The following EML5 variants were observed in gnomAD, a reference collection of about 807,000 sequenced individuals.
EML5 encodes EMAP like 5.
In EML5, 120 loss-of-function variants were observed where a neutral mutation model predicts 250.0. The ratio of observed to expected loss-of-function variants is 0.48; its 90% CI spans 0.41 to 0.56. EML5 has a LOEUF of 0.56. Among genes scored for constraint, EML5 ranks in the 20% least tolerant of loss-of-function variants. The pLI is 0.00. For missense variants in EML5, 2,006 were observed against 2,437.6 expected, an observed-to-expected ratio of 0.82 and a Z score of 3.73; for synonymous variants, 771 against 806.5, an observed-to-expected ratio of 0.96 and a Z score of 0.75.
At chr14:88,631,635 T>G (rs980876253) in intron 33 of EML5, among the ~76,000 whole-genome samples, 14 of 152,310 alleles carry the variant, frequency 9.2e-5, no homozygotes, top group African/African-American at 3.4e-4. Context: ...CTGGGCGTGG[T>G]GGCAGTCGCC....
At chr14:88,703,096 A>C (rs921311124) in intron 13 of EML5, among the ~76,000 whole-genome samples, 4 of 152,174 alleles carry the variant, frequency 2.6e-5, no homozygotes, top group African/African-American at 9.7e-5. Flanking sequence ...ACTTTTATGA[A>C]CTGCTCGGAC....
In EML5 at chr14:88,715,210, A is replaced by C. The variant is rs1349923517; in HGVS notation, c.1188-15T>G. 6.4e-7 allele frequency: 1 copy of C among 1,563,576 alleles called. No individual in the cohort carries two copies. ...CCGTCATATCTCTGTTAAAAAGAAA[A>C]AAATGAGACTACATGAACAGAAGTC... On this transcript the variant is annotated splice_polypyrimidine_tract_variant and intron_variant, in intron 8 of 43. Transcript: ENST00000554922.
chr14:88,740,406 G>GA lies in EML5; in HGVS notation c.691_692insT (p.Thr231IlefsTer12), dbSNP rs1296951789. On this transcript the variant is annotated frameshift_variant, in exon 5 of 44. Coordinates refer to ENST00000554922, the MANE Select transcript of EML5 (RefSeq NM_183387.3). LOFTEE classifies it high-confidence loss of function. ...ACTTACAGCATGGGCTCCTTGTATT[G>GA]TTCGTATAAGATTGATTCCTTTCCA... 6.2e-7 allele frequency: 1 copy of GA among 1,611,316 alleles called. No individual in the cohort carries two copies. Among genetic ancestry groups the GA allele is most frequent in the Non-Finnish European group, 8.5e-7 (1 of 1,178,876 alleles).
chr14:88,636,247 C>T (rs2140529168), intron 32 of EML5, among the ~76,000 whole-genome samples: 1 of 152,334 alleles, frequency 6.6e-6, no homozygotes, highest in East Asian at 1.9e-4. Flanking sequence ...TCTGGGATTT[C>T]ATATACCCAA....
intron 8 of EML5, among the ~76,000 whole-genome samples, chr14:88,716,427 T>G (rs763610509): frequency 7.9e-5 from 12 of 152,150 alleles, no homozygotes; most frequent in Non-Finnish European, 1.3e-4. Context: ...TAACATTAAA[T>G]CCATATACCG....
At chr14:88,622,856 G>A (rs2089264211) in intron 36 of EML5, 138 bp from the exon 37 acceptor site, 1 of 522,060 alleles carries the variant, frequency 1.9e-6, no homozygotes, top group Non-Finnish European at 3.2e-6. Context: ...TAATATTCTT[G>A]TAAACTTTCT....
chr14:88,663,490 A>G lies in EML5; in HGVS notation c.3410-371T>C, dbSNP rs114637694. ...ACAATATAGTTGAATACATGAAACA[A>G]TAACATCCTTAAAAAGAGAGGATTT... On this transcript the variant is annotated intron_variant, in intron 23 of 43. Transcript: ENST00000554922. 8.3e-3 allele frequency among the ~76,000 whole-genome samples: 1,271 copies of G among 152,314 alleles called. 14 individuals are homozygous for G. The highest frequency in any genetic ancestry group is 0.029 in the African/African-American group (1,208 of 41,556).
At chr14:88,688,589 TA>T in intron 17 of EML5, 116 bp from the exon 18 acceptor site, 1 of 1,034,890 alleles carries the variant, frequency 9.7e-7, no homozygotes, top group Non-Finnish European at 1.4e-6. Context: ...CATGCAACAG[TA>T]AGGAGAATTG....
At chr14:88,682,355 G>A (rs1323920139) in intron 20 of EML5, among the ~76,000 whole-genome samples, 2 of 151,526 alleles carry the variant, frequency 1.3e-5, no homozygotes, top group South Asian at 2.1e-4. Flanking sequence ...TCCTGCATGA[G>A]AGAGTGAGGA....
intron 10 of EML5, among the ~76,000 whole-genome samples, chr14:88,707,708 C>T (rs929753115): frequency 1.3e-5 from 2 of 152,076 alleles, no homozygotes; most frequent in Non-Finnish European, 2.9e-5. Context: ...TAATTTACTG[C>T]TGCTTAATAG....
rs542092297 is a variant in EML5 at position 88,765,493 on chromosome 14, C to A, written c.198-10822G>T. On this transcript the variant is annotated intron_variant, in intron 1 of 43. Coordinates refer to ENST00000554922, the MANE Select transcript of EML5 (RefSeq NM_183387.3). Reference sequence around the variant, plus strand: ...AGTTCTTCTCAAGCTTTGAATCTTTCTGACTTCTGCTGCATGTTTTCTCAT... The same window carrying A: ...AGTTCTTCTCAAGCTTTGAATCTTTATGACTTCTGCTGCATGTTTTCTCAT... Among the ~76,000 whole-genome samples the A allele has an allele frequency of 2.6e-5, 4 of 152,282 alleles. No homozygotes were observed. In the South Asian group the frequency reaches 8.3e-4, roughly 32 times the overall value.
chr14:88,632,248 C>T (rs1395299321), intron 33 of EML5, among the ~76,000 whole-genome samples: 1 of 152,160 alleles, frequency 6.6e-6, no homozygotes, highest in Non-Finnish European at 1.5e-5. Context: ...TTGTCTCGTT[C>T]TCTCCACATT....
intron 1 of EML5, among the ~76,000 whole-genome samples, chr14:88,775,795 C>A (rs1279857915): frequency 6.6e-6 from 1 of 152,154 alleles, no homozygotes; most frequent in Non-Finnish European, 1.5e-5. Flanking sequence ...TTACAGCAAG[C>A]CTTGGGCAAG....
In EML5 at chr14:88,787,635, C is replaced by T. The variant is rs185400022; in HGVS notation, c.197+4672G>A. The stretch of plus-strand genomic sequence containing the variant: ...CCTGGAAAACATCTCTTAATTTTAT[C>T]CCTTAAATTATGCAATATTTAAAAA... On this transcript the variant is annotated intron_variant, in intron 1 of 43. Coordinates refer to ENST00000554922, the MANE Select transcript of EML5 (RefSeq NM_183387.3). 4.9e-4 allele frequency among the ~76,000 whole-genome samples: 74 copies of T among 152,198 alleles called. 1 individual carries two copies. The highest frequency in any genetic ancestry group is 7.8e-4 in the Non-Finnish European group (53 of 68,026).
intron 29 of EML5, among the ~76,000 whole-genome samples, chr14:88,645,830 T>C (rs1567056374): frequency 6.6e-6 from 1 of 152,208 alleles, no homozygotes; most frequent in Non-Finnish European, 1.5e-5. Context: ...ACCTACACAG[T>C]AGCTGTCAAA....
intron 25 of EML5, among the ~76,000 whole-genome samples, chr14:88,660,632 A>T (rs2092056799): frequency 6.6e-6 from 1 of 152,008 alleles, no homozygotes; most frequent in Admixed American, 6.6e-5. Context: ...AATCCCAGCT[A>T]CTCAGGGGGC....
At chr14:88,770,314 A>G (rs78953220) in intron 1 of EML5, among the ~76,000 whole-genome samples, 8,921 of 152,178 alleles carry the variant, frequency 0.059, 698 homozygotes, top group African/African-American at 0.17. Flanking sequence ...TTTATAATTC[A>G]TGCTTTTTGT....
Position 88,615,787 on chromosome 14 carries a change from A to G in EML5, c.*31T>C, listed in dbSNP as rs2087508794. On this transcript the variant is annotated 3_prime_UTR_variant, in exon 44 of 44. Coordinates refer to ENST00000554922, the MANE Select transcript of EML5 (RefSeq NM_183387.3). ...TTTCTTCTCTGTAATTCTGGTCTCAAAGTTAATTTCTGTAGTCATCTCAGC... is the reference window on the plus strand; with the variant it reads ...TTTCTTCTCTGTAATTCTGGTCTCAGAGTTAATTTCTGTAGTCATCTCAGC... The G allele has an allele frequency of 5.6e-6, 9 of 1,604,102 alleles. No homozygotes were observed. The highest frequency in any genetic ancestry group is 7.7e-6 in the Non-Finnish European group (9 of 1,175,268).
In EML5 at chr14:88,615,566, T is replaced by C. The variant is rs2087465581; in HGVS notation, c.*252A>G. The C allele has an allele frequency of 2.3e-6, 1 of 426,792 alleles. No homozygotes were observed. The allele number at this position is 426,792 out of a possible 1,614,324, so 26.4% of individuals were successfully genotyped here. A position where few individuals can be genotyped will look rare whatever the true frequency, so the allele number is the denominator to read the frequency against. On this transcript the variant is annotated 3_prime_UTR_variant, in exon 44 of 44. Coordinates refer to ENST00000554922, the MANE Select transcript of EML5 (RefSeq NM_183387.3). Reference sequence around the variant, plus strand: ...ACACACTTCCCAATACAGGGGGACTTGGCCTTTACCATCAAGTATTCGATC... The same window carrying C: ...ACACACTTCCCAATACAGGGGGACTCGGCCTTTACCATCAAGTATTCGATC...
Sources: gnomAD v4.1 joint callset for allele counts (sites outside exome capture counted in the v4.1 genomes callset) on GRCh38, gnomAD v4.1.1 for gene constraint, MANE v1.5 for transcripts, NCBI Gene and HGNC (gene_info 2026-07-23, HGNC 2026-07-21) for gene names.